Variants in RBFOX2 observed in about 807,000 individuals in gnomAD.
The protein encoded by RBFOX2 is RNA binding fox-1 homolog 2, also known as RNA binding protein fox-1 homolog 2.
In RBFOX2, 10 loss-of-function variants were observed where a neutral mutation model predicts 49.1. The observed-to-expected ratio is 0.20, with a 90% CI of 0.13 to 0.35. The LOEUF is 0.35. Among genes scored for constraint, RBFOX2 ranks in the 10% least tolerant of loss-of-function variants. The pLI is 1.00. For missense variants in RBFOX2, 323 were observed against 486.9 expected (o/e 0.66, Z 3.17); for synonymous variants, 183 against 187.4 (o/e 0.98, Z 0.19).
chr22:35,784,170 T>G (rs913545661), intron 2 of RBFOX2, among the ~76,000 whole-genome samples: 43 of 152,172 alleles, frequency 2.8e-4, no homozygotes, highest in Non-Finnish European at 1.2e-4. Flanking sequence ...CAGCTATGCC[T>G]TCAACTCAAA....
At chr22:36,021,735 C>T (rs1440321870) in intron 1 of RBFOX2, among the ~76,000 whole-genome samples, 2 of 152,180 alleles carry the variant, frequency 1.3e-5, no homozygotes, top group Non-Finnish European at 2.9e-5. Flanking sequence ...TACAGAAATG[C>T]GTCCAGGATT....
At chr22:36,028,283 G>C (rs980119542) in exon 1 of RBFOX2, 8 of 1,534,796 alleles carry the variant, frequency 5.2e-6, no homozygotes, top group Middle Eastern at 2.2e-4. Flanking sequence ...CTCAGTGCGC[G>C]GCCGCTTGCT....
intron 9 of RBFOX2, chr22:35,752,628 G>C: frequency 1.0e-6 from 1 of 984,168 alleles, no homozygotes; most frequent in South Asian, 4.7e-5. Context: ...GTATTTTAGC[G>C]CTAATGATTG....
intron 1 of RBFOX2, among the ~76,000 whole-genome samples, chr22:35,883,510 C>T (rs746956619): frequency 5.3e-5 from 8 of 152,198 alleles, no homozygotes; most frequent in Non-Finnish European, 1.2e-4. Context: ...CCATTCTCCC[C>T]GGAGTGGCTC....
intron 1 of RBFOX2, among the ~76,000 whole-genome samples, chr22:35,868,291 A>G (rs1214901290): frequency 6.6e-6 from 1 of 152,186 alleles, no homozygotes; most frequent in Non-Finnish European, 1.5e-5. Context: ...GGAACTTAAG[A>G]AAAATTAGGA....
intron 1 of RBFOX2, among the ~76,000 whole-genome samples, chr22:36,017,639 T>G (rs906337688): frequency 2.0e-5 from 3 of 152,110 alleles, no homozygotes; most frequent in Non-Finnish European, 2.9e-5. Flanking sequence ...CCCCAAATGG[T>G]GGTAATACAT....
chr22:35,761,393 G>C (rs1282492647), intron 7 of RBFOX2, 22 bp downstream of exon 8: 2 of 1,613,700 alleles, frequency 1.2e-6, no homozygotes, highest in South Asian at 2.2e-5. Flanking sequence ...AGCACAAGTG[G>C]AAACATTTAC....
At chr22:35,809,710 T>C in intron 2 of RBFOX2, 70 bp downstream of exon 3, 1 of 1,507,464 alleles carries the variant, frequency 6.6e-7, no homozygotes, top group Non-Finnish European at 9.2e-7. Flanking sequence ...CTTCTAATTG[T>C]ATAATTAAGG....
At chr22:35,974,315 T>C (rs1299178089) in intron 1 of RBFOX2, among the ~76,000 whole-genome samples, 4 of 152,228 alleles carry the variant, frequency 2.6e-5, no homozygotes, top group Non-Finnish European at 4.4e-5. Flanking sequence ...TACATCCAGT[T>C]GCTTTATTTC....
chr22:35,918,804 G>A (rs1302162345), intron 1 of RBFOX2, among the ~76,000 whole-genome samples: 1 of 152,176 alleles, frequency 6.6e-6, no homozygotes, highest in Non-Finnish European at 1.5e-5. Context: ...AATTCATGAA[G>A]CAGCAGATGC....
Position 36,024,762 on chromosome 22 carries a change from G to A in RBFOX2, c.186+3478C>T, listed in dbSNP as rs192386483. On this transcript the variant is annotated intron_variant, in intron 1 of 13. Coordinates refer to the RBFOX2 transcript ENST00000438146. ...TCAAAAAAAAAGAAAAAAAAGACGTGTACTTTAAGACAAACCCACATACCC... is the reference window on the plus strand; with the variant it reads ...TCAAAAAAAAAGAAAAAAAAGACGTATACTTTAAGACAAACCCACATACCC... 3.9e-5 allele frequency among the ~76,000 whole-genome samples: 6 copies of A among 151,942 alleles called. 1 individual carries two copies. In the East Asian group the frequency reaches 1.2e-3, roughly 30 times the overall value.
intron 9 of RBFOX2, among the ~76,000 whole-genome samples, chr22:35,756,914 T>G (rs1404793877): frequency 6.6e-6 from 1 of 150,612 alleles, no homozygotes. Context: ...CAAGCAGAGA[T>G]AATGAGCTAA....
intron 1 of RBFOX2, among the ~76,000 whole-genome samples, chr22:35,823,435 C>A (rs1334375742): frequency 6.6e-6 from 1 of 152,182 alleles, no homozygotes; most frequent in Non-Finnish European, 1.5e-5. Context: ...TAATAACTCT[C>A]TTGTATATTA....
At chr22:35,969,295 G>C (rs113043327) in intron 1 of RBFOX2, among the ~76,000 whole-genome samples, 2 of 152,020 alleles carry the variant, frequency 1.3e-5, no homozygotes, top group Non-Finnish European at 2.9e-5. Context: ...TTTTATGGCC[G>C]GGCACAGTGG....
At chr22:35,826,365 A>T (rs1322858244) in intron 1 of RBFOX2, among the ~76,000 whole-genome samples, 1 of 147,856 alleles carries the variant, frequency 6.8e-6, no homozygotes, top group Non-Finnish European at 1.5e-5. Flanking sequence ...AAAAAAAAAT[A>T]GAGATAATAA....
At chr22:35,809,540 G>A (rs1951426487) in intron 2 of RBFOX2, among the ~76,000 whole-genome samples, 3 of 152,088 alleles carry the variant, frequency 2.0e-5, no homozygotes. Flanking sequence ...AACAGAGAAG[G>A]AGGCAGGAGC....
chr22:36,021,855 G>A (rs1569524170), intron 1 of RBFOX2, among the ~76,000 whole-genome samples: 1 of 152,190 alleles, frequency 6.6e-6, no homozygotes, highest in South Asian at 2.1e-4. Context: ...ATCTGTGATG[G>A]ATTAGATAAT....
chr22:35,842,084 T>C (rs1269231519), upstream of RBFOX2, among the ~76,000 whole-genome samples: 4 of 152,192 alleles, frequency 2.6e-5, no homozygotes, highest in South Asian at 2.1e-4. Context: ...TATAACACCA[T>C]TGGCTGGCAC....
At chr22:35,896,510 C>A (rs964367989) in intron 1 of RBFOX2, among the ~76,000 whole-genome samples, 1 of 152,198 alleles carries the variant, frequency 6.6e-6, no homozygotes, top group Non-Finnish European at 1.5e-5. Flanking sequence ...GTCTCACATT[C>A]AAGGTAGGCC....
Sources: gnomAD v4.1 joint callset for allele counts (sites outside exome capture counted in the v4.1 genomes callset) on GRCh38, gnomAD v4.1.1 for gene constraint, MANE v1.5 for transcripts, NCBI Gene and HGNC (gene_info 2026-07-23, HGNC 2026-07-21) for gene names.